The following CCNJL variants were observed in gnomAD, a reference collection of about 807,000 sequenced individuals.
The protein encoded by CCNJL is cyclin J like, also known as cyclin-J-like protein.
In CCNJL, 33 loss-of-function variants were observed where a neutral mutation model predicts 33.4. The ratio of observed to expected loss-of-function variants is 0.99; its 90% CI spans 0.75 to 1.32. The LOEUF is 1.32. CCNJL is among the 40% of genes most tolerant of loss of function. The probability of loss-of-function intolerance (pLI) is 0.00; values close to 1 mark genes in which losing one functional copy is unlikely to be tolerated. For synonymous variants in CCNJL, 227 were observed against 220.9 expected (o/e 1.03, Z -0.24); for missense variants, 512 against 499.7 (o/e 1.02, Z -0.23).
At chr5:160,300,749 T>C (rs1762896303) in intron 2 of CCNJL, among the ~76,000 whole-genome samples, 1 of 152,104 alleles carries the variant, frequency 6.6e-6, no homozygotes, top group Admixed American at 6.6e-5. Context: ...AGCCTCATAC[T>C]CCTGGGCCCA....
rs1370968299 is a variant in CCNJL, at chr5:160,259,746, G to A, written c.306C>T (p.His102=). 7.4e-6 allele frequency: 12 copies of A among 1,611,554 alleles called. No individual in the cohort carries two copies. The highest frequency in any genetic ancestry group is 1.3e-5 in the African/African-American group (1 of 74,890). Residue 102 remains histidine (H), a synonymous_variant, in exon 4 of 6, where the codon CAC becomes CAT. Transcript: ENST00000257536. ...LASKFEDRED[H]VPKLEQINST... Reference sequence around the variant, plus strand: ...TGTTTATTTGCTCCAACTTGGGGACGTGGTCTTCCCGATCCTCGAACTTAC... The same window carrying A: ...TGTTTATTTGCTCCAACTTGGGGACATGGTCTTCCCGATCCTCGAACTTAC...
At chr5:160,258,881 G>A (rs1761193429) in intron 4 of CCNJL, among the ~76,000 whole-genome samples, 2 of 152,120 alleles carry the variant, frequency 1.3e-5, no homozygotes, top group Non-Finnish European at 2.9e-5. Context: ...TATTTTAGTA[G>A]AGACAGGGTT....
intron 3 of CCNJL, among the ~76,000 whole-genome samples, chr5:160,260,622 G>T (rs375996305): frequency 7.9e-5 from 12 of 152,148 alleles, no homozygotes; most frequent in Non-Finnish European, 1.6e-4. Context: ...AGGGGCTGGT[G>T]GGGGGGCATG....
At chr5:160,277,019 C>T (rs1762037305) in intron 3 of CCNJL, among the ~76,000 whole-genome samples, 1 of 152,150 alleles carries the variant, frequency 6.6e-6, no homozygotes, top group Admixed American at 6.5e-5. Context: ...TCTTGAACTG[C>T]TGGCCTCAAG....
chr5:160,282,966 A>AATATATATATATACATAT (rs1762262860), intron 2 of CCNJL, among the ~76,000 whole-genome samples: 1 of 43,394 alleles, frequency 2.3e-5, no homozygotes, highest in Non-Finnish European at 4.7e-5. Flanking sequence ...CAGTCCTTGG[A>AATATATATATATACATAT]ATATATATAT....
chr5:160,332,027 T>C (rs764890725), intron 1 of CCNJL, among the ~76,000 whole-genome samples: 31 of 152,186 alleles, frequency 2.0e-4, no homozygotes, highest in Admixed American at 9.2e-4. Flanking sequence ...GTATATACCA[T>C]TGCTAGAATC....
At chr5:160,321,640 T>A (rs1763466694) in intron 1 of CCNJL, among the ~76,000 whole-genome samples, 3 of 152,120 alleles carry the variant, frequency 2.0e-5, no homozygotes, top group Admixed American at 2.0e-4. Context: ...AAAGCACGAT[T>A]AAAATATTAT....
chr5:160,255,847 CTG>C (rs762777838), intron 4 of CCNJL, 139 bp from the exon 5 acceptor site: 29 of 715,200 alleles, frequency 4.1e-5, no homozygotes, highest in Admixed American at 5.8e-5. Context: ...AAATTAGAAA[CTG>C]TGAAGTTCCA....
chr5:160,258,724 G>T, intron 4 of CCNJL: 1 of 689,182 alleles, frequency 1.5e-6, no homozygotes, highest in Non-Finnish European at 2.7e-6. Flanking sequence ...AAAAGACAGA[G>T]TCTCGCTCTG....
At chr5:160,268,600 C>A (rs1761704613) in intron 3 of CCNJL, among the ~76,000 whole-genome samples, 1 of 152,178 alleles carries the variant, frequency 6.6e-6, no homozygotes. Context: ...GAAAACCCTT[C>A]ATCTGTAAGA....
At chr5:160,286,844 TC>T (rs34490669) in intron 2 of CCNJL, among the ~76,000 whole-genome samples, 4,409 of 152,200 alleles carry the variant, frequency 0.029, 122 homozygotes, top group Non-Finnish European at 0.04. Flanking sequence ...AAATGTCACT[TC>T]CTAAGACTTC....
intron 2 of CCNJL, among the ~76,000 whole-genome samples, chr5:160,290,622 C>G (rs545161250): frequency 5.1e-4 from 78 of 152,178 alleles, no homozygotes; most frequent in Admixed American, 1.4e-3. Context: ...GAGATCCCCC[C>G]CAAGCACCTA....
chr5:160,277,072 T>G (rs900037659), intron 3 of CCNJL, among the ~76,000 whole-genome samples: 1 of 152,008 alleles, frequency 6.6e-6, no homozygotes, highest in Non-Finnish European at 1.5e-5. Flanking sequence ...GGATTACAGG[T>G]GTGAGCCACC....
At chr5:160,334,996 C>T (rs1166998233) in intron 1 of CCNJL, among the ~76,000 whole-genome samples, 1 of 152,264 alleles carries the variant, frequency 6.6e-6, no homozygotes, top group African/African-American at 2.4e-5. Context: ...GGCACAGTGG[C>T]TCATGCCTCT....
intron 1 of CCNJL, among the ~76,000 whole-genome samples, chr5:160,324,630 T>TGTCTATCTATCTATCC (rs56739991): frequency 1.3e-5 from 2 of 148,952 alleles, no homozygotes; most frequent in African/African-American, 4.8e-5. Flanking sequence ...ACTGTCTGTC[T>TGTCTATCTATCTATCC]ATCTATCTAT....
At chr5:160,266,826 A>G (rs193264643) in intron 3 of CCNJL, among the ~76,000 whole-genome samples, 1 of 152,276 alleles carries the variant, frequency 6.6e-6, no homozygotes, top group East Asian at 1.9e-4. Flanking sequence ...ACCCGACTCC[A>G]CAGTCAACAC....
intron 1 of CCNJL, among the ~76,000 whole-genome samples, chr5:160,321,521 C>T (rs780530829): frequency 6.6e-5 from 10 of 152,194 alleles, no homozygotes; most frequent in Non-Finnish European, 1.2e-4. Flanking sequence ...CCAAGGATTA[C>T]GGTCGCAGCC....
intron 3 of CCNJL, among the ~76,000 whole-genome samples, chr5:160,260,721 G>A (rs1168968803): frequency 3.3e-5 from 5 of 152,212 alleles, no homozygotes; most frequent in East Asian, 1.9e-4. Context: ...ACAGGTGGCC[G>A]TGGACCCTGT....
chr5:160,305,337 CG>C (rs948457075), intron 2 of CCNJL, among the ~76,000 whole-genome samples: 1 of 152,054 alleles, frequency 6.6e-6, no homozygotes, highest in African/African-American at 2.4e-5. Flanking sequence ...GTTCGGCAAG[CG>C]GGGGGGCCCT....
Sources: gnomAD v4.1 joint callset for allele counts (sites outside exome capture counted in the v4.1 genomes callset) on GRCh38, gnomAD v4.1.1 for gene constraint, MANE v1.5 for transcripts, NCBI Gene and HGNC (gene_info 2026-07-23, HGNC 2026-07-21) for gene names.